The following SLC48A1 variants were observed in gnomAD, a reference collection of about 807,000 sequenced individuals.
SLC48A1 encodes the protein heme transporter HRG1.
Under a neutral mutation model 14.8 loss-of-function variants are expected in SLC48A1, and 6 were observed. The ratio of observed to expected loss-of-function variants is 0.41; its 90% CI spans 0.22 to 0.80. The LOEUF (loss-of-function observed/expected upper bound fraction) is 0.80, where lower values mean the gene tolerates loss of function less well. Ranked by LOEUF, SLC48A1 falls within the 30% of genes least tolerant of loss-of-function variation. The pLI, the probability that SLC48A1 is intolerant of heterozygous loss-of-function variation, is 0.34. For missense variants in SLC48A1, 165 were observed against 204.8 expected (o/e 0.81, Z 1.19); for synonymous variants, 89 against 90.0 (o/e 0.99, Z 0.06).
chr12:47,764,646 C>G (rs1026756352), intron 2 of SLC48A1, among the ~76,000 whole-genome samples: 3 of 152,192 alleles, frequency 2.0e-5, no homozygotes, highest in South Asian at 4.1e-4. Flanking sequence ...GGGCTAAGGT[C>G]CCCTTCCCAG....
chr12:47,757,968 T>G, upstream of SLC48A1: 2 of 1,563,548 alleles, frequency 1.3e-6, no homozygotes. Context: ...TGTTGAGTAG[T>G]GTCCCCTCCG....
At chr12:47,773,470 G>A in intron 1 of SLC48A1, 30 bp downstream of exon 1, 1 of 1,305,784 alleles carries the variant, frequency 7.7e-7, no homozygotes, top group Non-Finnish European at 9.8e-7. Context: ...GGCGCGGGGC[G>A]GGTGCGCGGC....
intron 1 of SLC48A1, among the ~76,000 whole-genome samples, chr12:47,775,058 T>G (rs1468980505): frequency 1.3e-5 from 2 of 152,110 alleles, no homozygotes; most frequent in Non-Finnish European, 2.9e-5. Flanking sequence ...CTGGTACAAG[T>G]GGAGGTGAAC....
exon 2 of SLC48A1, chr12:47,760,248 T>C: frequency 3.0e-6 from 3 of 985,456 alleles, no homozygotes; most frequent in Non-Finnish European, 3.6e-6. Flanking sequence ...TAAGAAACGC[T>C]GGTGGAGTTT....
At chr12:47,776,831 G>T (rs888494524) in intron 1 of SLC48A1, among the ~76,000 whole-genome samples, 5 of 152,188 alleles carry the variant, frequency 3.3e-5, no homozygotes, top group Admixed American at 6.5e-5. Context: ...ATCTTCACAG[G>T]CCCCTATTTC....
chr12:47,779,202 G>A lies in SLC48A1; in HGVS notation c.304+7G>A, dbSNP rs1942812639. ...GCCATCACCCGGCATCAGAGTGAGG[G>A]CGGGTCCCAGGGAAAGAGGGCATGG... On this transcript the variant is annotated splice_region_variant and intron_variant, in intron 2 of 2. Coordinates refer to ENST00000442218, the MANE Select transcript of SLC48A1 (RefSeq NM_017842.3). 2 of 1,549,024 alleles carry A rather than the reference G, an allele frequency of 1.3e-6. No individual in the cohort carries two copies. The highest frequency in any genetic ancestry group is 2.7e-5 in the African/African-American group (2 of 72,958).
Position 47,781,012 on chromosome 12 carries a change from C to T in SLC48A1, c.*731C>T. 1 of 467,378 alleles carries T rather than the reference C, an allele frequency of 2.1e-6. No homozygotes were observed. The highest frequency in any genetic ancestry group is 1.6e-5 in the South Asian group (1 of 63,238). The allele number at this position is 467,378 out of a possible 1,614,324, so 29.0% of individuals were successfully genotyped here. A position where few individuals can be genotyped will look rare whatever the true frequency, so the allele number is the denominator to read the frequency against. On this transcript the variant is annotated 3_prime_UTR_variant, in exon 3 of 3. Coordinates refer to ENST00000442218, the MANE Select transcript of SLC48A1 (RefSeq NM_017842.3). ...TCCCCGCTGCCCTAGGCACTCTCTT[C>T]CCAAGGCCAGGTTGGGCACCTGGGG...
At chr12:47,770,360 C>T (rs1299668166), upstream of SLC48A1, among the ~76,000 whole-genome samples, 1 of 152,246 alleles carries the variant, frequency 6.6e-6, no homozygotes, top group Non-Finnish European at 1.5e-5. Flanking sequence ...TCTCCCCTGA[C>T]CTTTAGGTTC....
upstream of SLC48A1, chr12:47,758,114 C>A: frequency 6.5e-7 from 1 of 1,540,140 alleles, no homozygotes. Context: ...AGCCATGGGA[C>A]ACGACTGGGG....
chr12:47,758,839 G>C, intron 1 of SLC48A1: 1 of 1,207,840 alleles, frequency 8.3e-7, no homozygotes, highest in Non-Finnish European at 1.0e-6. Context: ...CGTCTCAGAC[G>C]AAGGAGCCAG....
chr12:47,757,907 G>A (rs773924035), upstream of SLC48A1: 4 of 1,556,914 alleles, frequency 2.6e-6, no homozygotes, highest in Non-Finnish European at 1.7e-6. Context: ...TGGTGCTCCA[G>A]CAGCAGCTGG....
chr12:47,756,964 G>GT (rs1942100139), upstream of SLC48A1, among the ~76,000 whole-genome samples: 2 of 148,706 alleles, frequency 1.3e-5, no homozygotes, highest in Non-Finnish European at 3.0e-5. Context: ...GAAGACTCTG[G>GT]TTAAAAAAAA....
chr12:47,761,257 C>T (rs982845556), intron 2 of SLC48A1, among the ~76,000 whole-genome samples: 13 of 151,582 alleles, frequency 8.6e-5, no homozygotes, highest in Non-Finnish European at 1.8e-4. Flanking sequence ...TGTGGGGGAG[C>T]CTCAGGGAGC....
At chr12:47,758,499 T>C, upstream of SLC48A1, 2 of 1,599,654 alleles carry the variant, frequency 1.3e-6, no homozygotes, top group Admixed American at 1.7e-5. Context: ...CGTGTCAGCT[T>C]CCTCTCCCGC....
Position 47,780,234 on chromosome 12 carries a change from C to T in SLC48A1, c.394C>T (p.Arg132Cys), listed in dbSNP as rs1261630870. 1.2e-5 allele frequency: 19 copies of T among 1,614,136 alleles called. No individual in the cohort carries two copies. Among genetic ancestry groups the T allele is most frequent in the South Asian group, 2.2e-5 (2 of 91,090 alleles). Residue 132 changes from arginine to cysteine, a missense_variant, in exon 3 of 3, where the codon CGC becomes TGC. Coordinates refer to ENST00000442218, the MANE Select transcript of SLC48A1 (RefSeq NM_017842.3). ...CTTCCTGCTCAGCCTCTATGCCCACCGCTACCGGGCTGACTTTGCTGACAT... is the reference window on the plus strand; with the variant it reads ...CTTCCTGCTCAGCCTCTATGCCCACTGCTACCGGGCTGACTTTGCTGACAT... ...WAFLLSLYAH[R>C]YRADFADISI... is the part of the protein sequence containing the mutation.
intron 1 of SLC48A1, chr12:47,759,181 G>T: frequency 1.1e-6 from 1 of 871,266 alleles, no homozygotes; most frequent in Non-Finnish European, 1.4e-6. Context: ...CACGTGGCCG[G>T]GAGGAGAAAT....
At position 47,780,782 on chromosome 12, in the gene SLC48A1, G is replaced by A. The variant is rs1445745294; in HGVS notation, c.*501G>A. 1 of 449,342 alleles carries A rather than the reference G, an allele frequency of 2.2e-6. No individual in the cohort carries two copies. The highest frequency in any genetic ancestry group is 4.5e-6 in the Non-Finnish European group (1 of 222,696). 27.8% of individuals were successfully genotyped at this position (449,342 alleles called of 1,614,324 possible). A position where few individuals can be genotyped will look rare whatever the true frequency, so the allele number is the denominator to read the frequency against. ...GGGTTTTGCCATGTTGGCCAGGCTG[G>A]TCTCGAACTCCTGATCTCAGGTGAT... On this transcript the variant is annotated 3_prime_UTR_variant, in exon 3 of 3. Transcript: ENST00000442218.
At chr12:47,769,920 A>C (rs1245146534), upstream of SLC48A1, among the ~76,000 whole-genome samples, 1 of 152,278 alleles carries the variant, frequency 6.6e-6, no homozygotes, top group African/African-American at 2.4e-5. Flanking sequence ...TACAATTAAA[A>C]ATTCAGTTCT....
intron 1 of SLC48A1, among the ~76,000 whole-genome samples, chr12:47,759,561 C>T (rs781014586): frequency 6.9e-6 from 1 of 144,910 alleles, no homozygotes; most frequent in Non-Finnish European, 1.5e-5. Flanking sequence ...TACCACGCCC[C>T]CTACCGCGCG....
Sources: gnomAD v4.1 joint callset for allele counts (sites outside exome capture counted in the v4.1 genomes callset) on GRCh38, gnomAD v4.1.1 for gene constraint, MANE v1.5 for transcripts, NCBI Gene and HGNC (gene_info 2026-07-23, HGNC 2026-07-21) for gene names.